PRR23E: variants seen among roughly 807,000 people sequenced by gnomAD.
The protein encoded by PRR23E is PRR23 family member E, also known as proline-rich protein 23E.
At chr3:127,196,614 G>A in the PRR23E span, 45 of 1,480,072 alleles carry the variant, frequency 3.0e-5, 2 homozygotes, top group East Asian at 3.4e-4. Context: ...CGTGAGGTGC[G>A]TGTGGCCTCA....
the PRR23E span, chr3:127,196,794 A>G: frequency 1.9e-6 from 3 of 1,598,070 alleles, no homozygotes; most frequent in Non-Finnish European, 2.5e-6. Context: ...CTGGGTGGCC[A>G]TGGGCTCTGC....
the PRR23E span, among the ~76,000 whole-genome samples, chr3:127,194,254 C>G: frequency 6.6e-6 from 1 of 152,228 alleles, no homozygotes; most frequent in Non-Finnish European, 1.5e-5. Context: ...AATCTTTTGG[C>G]TTCCCTGGGC....
the PRR23E span, chr3:127,197,215 C>T: frequency 6.3e-7 from 1 of 1,597,570 alleles, no homozygotes; most frequent in Non-Finnish European, 8.5e-7. Context: ...TCCAGAGGAG[C>T]TCCCTACTTG....
chr3:127,196,565 T>C, the PRR23E span: 1 of 1,417,264 alleles, frequency 7.1e-7, no homozygotes, highest in Non-Finnish European at 9.2e-7. Context: ...CCCTGCCCTC[T>C]GACTGGCTGT....
At chr3:127,196,809 G>A in the PRR23E span, 1 of 1,598,490 alleles carries the variant, frequency 6.3e-7, no homozygotes, top group Non-Finnish European at 8.5e-7. Context: ...CTCTGCCTAT[G>A]GTTCCTGTAC....
the PRR23E span, chr3:127,196,975 T>G: frequency 2.5e-6 from 4 of 1,599,436 alleles, no homozygotes; most frequent in Non-Finnish European, 3.4e-6. Context: ...CCAGCTGCCT[T>G]GGTGCCTTCA....
chr3:127,193,590 G>A, the PRR23E span, among the ~76,000 whole-genome samples: 26 of 152,226 alleles, frequency 1.7e-4, no homozygotes, highest in African/African-American at 5.8e-4. Context: ...CTGCAGCTGC[G>A]AGGTGTGGGT....
At chr3:127,195,921 T>G in the PRR23E span, among the ~76,000 whole-genome samples, 1 of 152,238 alleles carries the variant, frequency 6.6e-6, no homozygotes, top group Non-Finnish European at 1.5e-5. Context: ...CACCTGGGGC[T>G]ACCTGATGTG....
At chr3:127,196,429 G>A in the PRR23E span, among the ~76,000 whole-genome samples, 4 of 151,946 alleles carry the variant, frequency 2.6e-5, no homozygotes, top group Admixed American at 6.6e-5. Context: ...CCACTGCAGG[G>A]GCCACTCGTT....
At chr3:127,197,384 C>A in the PRR23E span, 2 of 1,555,176 alleles carry the variant, frequency 1.3e-6, no homozygotes, top group Non-Finnish European at 1.7e-6. Flanking sequence ...GGTCACCCTG[C>A]AGGGCCCGCC....
chr3:127,195,658 A>C, the PRR23E span, among the ~76,000 whole-genome samples: 3 of 151,992 alleles, frequency 2.0e-5, no homozygotes, highest in Admixed American at 1.3e-4. Context: ...GCTGTGCCTC[A>C]GTTTCTTCCA....
At chr3:127,197,004 G>T in the PRR23E span, 10 of 1,597,996 alleles carry the variant, frequency 6.3e-6, no homozygotes, top group East Asian at 2.2e-4. Context: ...GTATTGGAGG[G>T]GCGCCTCCAG....
At chr3:127,194,404 C>T in the PRR23E span, among the ~76,000 whole-genome samples, 1 of 152,158 alleles carries the variant, frequency 6.6e-6, no homozygotes, top group Non-Finnish European at 1.5e-5. Context: ...TATTCAAAGC[C>T]GTCCTGTGCC....
the PRR23E span, chr3:127,197,394 C>A: frequency 6.4e-7 from 1 of 1,558,410 alleles, no homozygotes; most frequent in Non-Finnish European, 8.6e-7. Context: ...CAGGGCCCGC[C>A]GCCGCCTCTT....
chr3:127,195,978 C>T, the PRR23E span, among the ~76,000 whole-genome samples: 1 of 152,208 alleles, frequency 6.6e-6, no homozygotes, highest in African/African-American at 2.4e-5. Flanking sequence ...ACTTCTTTCT[C>T]TTCCTTTCCA....
chr3:127,194,053 T>G, the PRR23E span, among the ~76,000 whole-genome samples: 6 of 152,226 alleles, frequency 3.9e-5, no homozygotes, highest in African/African-American at 1.4e-4. Context: ...TATTTTGTGG[T>G]TTGTCTTTTG....
the PRR23E span, chr3:127,197,199 G>A: frequency 1.9e-6 from 3 of 1,595,554 alleles, no homozygotes; most frequent in Non-Finnish European, 2.5e-6. Flanking sequence ...TGCCGTAGAG[G>A]GGCCATCCAG....
At chr3:127,197,150 G>A in the PRR23E span, 1 of 1,594,418 alleles carries the variant, frequency 6.3e-7, no homozygotes, top group African/African-American at 1.3e-5. Context: ...ACTGTCCCCA[G>A]GTGGGATGCT....
the PRR23E span, chr3:127,197,440 C>T: frequency 1.2e-5 from 18 of 1,479,582 alleles, no homozygotes; most frequent in South Asian, 2.4e-4. Flanking sequence ...CAGACCCACC[C>T]AACAATCAGA....
Sources: gnomAD v4.1 joint callset for allele counts (sites outside exome capture counted in the v4.1 genomes callset) on GRCh38, gnomAD v4.1.1 for gene constraint, MANE v1.5 for transcripts, NCBI Gene and HGNC (gene_info 2026-07-23, HGNC 2026-07-21) for gene names.